The following MAGI2 variants were observed in gnomAD, a reference collection of about 807,000 sequenced individuals.
MAGI2 encodes the protein membrane-associated guanylate kinase, WW and PDZ domain-containing protein 2.
MAGI2 carries 35 observed loss-of-function variants against 133.3 expected under a neutral mutation model. The ratio of observed to expected loss-of-function variants is 0.26; its 90% CI spans 0.20 to 0.35. MAGI2 has a LOEUF of 0.35. Ranked by LOEUF, MAGI2 falls within the 10% of genes least tolerant of loss-of-function variation. The probability of loss-of-function intolerance (pLI) is 1.00; values close to 1 mark genes in which losing one functional copy is unlikely to be tolerated. For missense variants in MAGI2, 1,636 were observed against 1,863.4 expected (o/e 0.88, Z 2.25); for synonymous variants, 729 against 710.6 (o/e 1.03, Z -0.41).
chr7:78,995,087 C>T (rs1806154725), intron 2 of MAGI2, among the ~76,000 whole-genome samples: 1 of 152,098 alleles, frequency 6.6e-6, no homozygotes, highest in African/African-American at 2.4e-5. Flanking sequence ...GCAGGGATGT[C>T]CAATCTTTTG....
chr7:78,627,531 A>T (rs540770222), intron 2 of MAGI2, among the ~76,000 whole-genome samples: 2 of 152,176 alleles, frequency 1.3e-5, no homozygotes, highest in Non-Finnish European at 2.9e-5. Flanking sequence ...CTTTTTGAAG[A>T]GGTGGTTTGG....
chr7:78,715,088 T>A (rs942526894), intron 2 of MAGI2, among the ~76,000 whole-genome samples: 1 of 152,196 alleles, frequency 6.6e-6, no homozygotes, highest in Admixed American at 6.5e-5. Flanking sequence ...AGGCTGATAT[T>A]TACTAAGAGA....
At chr7:79,414,569 G>T (rs1846370521) in intron 1 of MAGI2, 1 of 151,992 alleles carries the variant, frequency 6.6e-6, no homozygotes, top group Non-Finnish European at 1.5e-5. Flanking sequence ...GGATCTATTT[G>T]TTTAAAAATA....
intron 1 of MAGI2, among the ~76,000 whole-genome samples, chr7:79,345,161 TA>T (rs141709216): frequency 0.054 from 8,175 of 152,098 alleles, 585 homozygotes; most frequent in East Asian, 0.35. Context: ...TTAGTTAAGA[TA>T]AAATCATACT....
At chr7:79,307,692 A>C (rs1368376248) in intron 1 of MAGI2, among the ~76,000 whole-genome samples, 2 of 152,202 alleles carry the variant, frequency 1.3e-5, no homozygotes, top group Non-Finnish European at 2.9e-5. Context: ...TAGATTCTTA[A>C]CCTAGATATA....
chr7:78,587,384 C>G (rs1302314656), intron 3 of MAGI2, among the ~76,000 whole-genome samples: 1 of 152,132 alleles, frequency 6.6e-6, no homozygotes, highest in East Asian at 1.9e-4. Context: ...AGAGCACTTA[C>G]AGCTATTTGT....
intron 20 of MAGI2, among the ~76,000 whole-genome samples, chr7:78,095,649 A>G (rs1275173744): frequency 2.6e-5 from 4 of 152,186 alleles, no homozygotes; most frequent in Admixed American, 1.3e-4. Context: ...AACAGGGCAT[A>G]TATGATACCT....
At chr7:78,322,003 T>A (rs1478020063) in intron 9 of MAGI2, among the ~76,000 whole-genome samples, 2 of 151,946 alleles carry the variant, frequency 1.3e-5, no homozygotes, top group Non-Finnish European at 2.9e-5. Context: ...CCAAGAAACA[T>A]GAAAAAAAGC....
chr7:78,594,224 A>G (rs1467435464), intron 3 of MAGI2, among the ~76,000 whole-genome samples: 1 of 152,192 alleles, frequency 6.6e-6, no homozygotes, highest in Non-Finnish European at 1.5e-5. Context: ...TTGTTAAGAT[A>G]ATGTTGCCCA....
intron 10 of MAGI2, among the ~76,000 whole-genome samples, chr7:78,208,427 C>A (rs933368523): frequency 6.6e-6 from 1 of 152,000 alleles, no homozygotes; most frequent in Non-Finnish European, 1.5e-5. Context: ...AAGCCTTAAA[C>A]AGGAATAAAG....
chr7:78,604,863 T>C (rs1479584642), intron 3 of MAGI2, among the ~76,000 whole-genome samples: 1 of 152,268 alleles, frequency 6.6e-6, no homozygotes, highest in Non-Finnish European at 1.5e-5. Flanking sequence ...AGCTATTTTC[T>C]TAATATCTAT....
intron 2 of MAGI2, among the ~76,000 whole-genome samples, chr7:78,627,729 C>T (rs575458363): frequency 4.5e-4 from 68 of 152,262 alleles, no homozygotes; most frequent in African/African-American, 1.6e-3. Context: ...TGTTGGTTTT[C>T]ATTTGTTAAA....
chr7:78,396,856 T>C (rs1004950893), intron 6 of MAGI2, among the ~76,000 whole-genome samples: 4 of 152,206 alleles, frequency 2.6e-5, no homozygotes, highest in Non-Finnish European at 5.9e-5. Context: ...ATTTCTGTTC[T>C]TGACCCTATG....
At chr7:78,426,092 A>G (rs930756030) in intron 6 of MAGI2, among the ~76,000 whole-genome samples, 2 of 152,224 alleles carry the variant, frequency 1.3e-5, no homozygotes, top group African/African-American at 2.4e-5. Flanking sequence ...AAGTATGACC[A>G]TAATGAATGA....
intron 6 of MAGI2, among the ~76,000 whole-genome samples, chr7:78,422,844 T>C (rs1021753340): frequency 6.6e-6 from 1 of 152,214 alleles, no homozygotes; most frequent in African/African-American, 2.4e-5. Flanking sequence ...TCTGATAGTA[T>C]TGTTCCAGCT....
At chr7:78,255,154 T>A (rs1792837536) in intron 10 of MAGI2, 1 of 152,272 alleles carries the variant, frequency 6.6e-6, no homozygotes, top group Admixed American at 6.5e-5. Flanking sequence ...AGCAGAGGTG[T>A]GGAGAAGGGG....
At chr7:79,127,850 T>G (rs190630341) in intron 1 of MAGI2, among the ~76,000 whole-genome samples, 1 of 152,210 alleles carries the variant, frequency 6.6e-6, no homozygotes, top group Non-Finnish European at 1.5e-5. Flanking sequence ...TTGCTTTTGG[T>G]GTTTTAGACA....
chr7:78,298,130 A>G (rs1797474882), intron 9 of MAGI2, among the ~76,000 whole-genome samples: 1 of 152,208 alleles, frequency 6.6e-6, no homozygotes, highest in Non-Finnish European at 1.5e-5. Context: ...GTCTCAGTAT[A>G]ATCATGAGCA....
intron 2 of MAGI2, among the ~76,000 whole-genome samples, chr7:78,778,972 T>A (rs1471355761): frequency 6.7e-6 from 1 of 149,088 alleles, no homozygotes; most frequent in Non-Finnish European, 1.5e-5. Flanking sequence ...AGTGGTGTGA[T>A]CTCAGCTCAC....
Sources: gnomAD v4.1 joint callset for allele counts (sites outside exome capture counted in the v4.1 genomes callset) on GRCh38, gnomAD v4.1.1 for gene constraint, MANE v1.5 for transcripts, NCBI Gene and HGNC (gene_info 2026-07-23, HGNC 2026-07-21) for gene names.